TMEM43: variants seen among roughly 807,000 people sequenced by gnomAD.
The protein encoded by TMEM43 is transmembrane protein 43.
TMEM43 carries 45 observed loss-of-function variants against 49.6 expected under a neutral mutation model. The observed-to-expected ratio is 0.91, with a 90% confidence interval of 0.71 to 1.16. TMEM43 has a LOEUF of 1.16. Among genes scored for constraint, TMEM43 ranks in the 50% most tolerant of loss-of-function variants. The pLI, the probability that TMEM43 is intolerant of heterozygous loss-of-function variation, is 0.00. For missense variants in TMEM43, 532 were observed against 516.6 expected, an observed-to-expected ratio of 1.03 and a Z score of -0.29; for synonymous variants, 199 against 207.8, an observed-to-expected ratio of 0.96 and a Z score of 0.36.
intron 10 of TMEM43, among the ~76,000 whole-genome samples, chr3:14,136,325 G>A (rs1227902893): frequency 6.6e-6 from 1 of 152,184 alleles, no homozygotes; most frequent in Non-Finnish European, 1.5e-5. Flanking sequence ...TGGGTTTTTG[G>A]ATTGTGGATG....
At chr3:14,141,071 G>A (rs1333811863) in intron 11 of TMEM43, among the ~76,000 whole-genome samples, 1 of 152,212 alleles carries the variant, frequency 6.6e-6, no homozygotes, top group African/African-American at 2.4e-5. Context: ...TGAGATTCTT[G>A]AGGAGAGGCC....
chr3:14,139,953 G>A (rs1695225979), intron 11 of TMEM43, among the ~76,000 whole-genome samples: 1 of 152,130 alleles, frequency 6.6e-6, no homozygotes, highest in Non-Finnish European at 1.5e-5. Context: ...CAGGAGGATG[G>A]GGTTCCTCGG....
rs917618583 is a variant in TMEM43, at chr3:14,132,618, G to A, written c.442+23G>A. The A allele has an allele frequency of 3.7e-6, 6 of 1,613,702 alleles. No homozygotes were observed. In the East Asian group the frequency reaches 6.7e-5, roughly 18 times the overall value. On this transcript the variant is annotated intron_variant, in intron 5 of 11. Coordinates refer to ENST00000306077, the MANE Select transcript of TMEM43 (RefSeq NM_024334.3). ...ACAGTGAGTGCTGGGCCCCTTACGT[G>A]GTCTCTGCCCATGGTGGGGGCCCAC...
chr3:14,130,696 C>A, intron 2 of TMEM43, 126 bp from the exon 3 acceptor site: 7 of 1,278,334 alleles, frequency 5.5e-6, no homozygotes, highest in Non-Finnish European at 6.4e-6. Context: ...AGTTTTCCAA[C>A]TGTACGGTGG....
chr3:14,131,780 A>G lies in TMEM43; in HGVS notation c.392+106A>G, dbSNP rs1020667928. The G allele has an allele frequency of 2.8e-5, 23 of 826,138 alleles. No individual in the cohort carries two copies. In the African/African-American group the frequency reaches 3.9e-4, roughly 14 times the overall value. The allele number at this position is 826,138 out of a possible 1,614,324, so 51.2% of individuals were successfully genotyped here. A position where few individuals can be genotyped will look rare whatever the true frequency, so the allele number is the denominator to read the frequency against. ...ATTTTGATACCTTTGAAACTCAAGT[A>G]TAACATCTTCCTATCAGAAAAGTGT... On this transcript the variant is annotated intron_variant, in intron 4 of 11. Coordinates refer to ENST00000306077, the MANE Select transcript of TMEM43 (RefSeq NM_024334.3).
chr3:14,136,080 C>T lies in TMEM43; in HGVS notation c.882+172C>T, dbSNP rs1346100971. The T allele has an allele frequency of 5.6e-6, 4 of 718,702 alleles. No homozygotes were observed. In the African/African-American group the frequency reaches 7.0e-5, roughly 13 times the overall value. 44.5% of individuals were successfully genotyped at this position (718,702 alleles called of 1,614,324 possible). On this transcript the variant is annotated intron_variant, in intron 10 of 11. Coordinates refer to ENST00000306077, the MANE Select transcript of TMEM43 (RefSeq NM_024334.3). ...TCAAAGTGTTTGACCAGGAGTGTTT[C>T]AGATTCCAGATTTTTTTGGATTTGC...
Position 14,130,803 on chromosome 3 carries a change from C to T in TMEM43, c.163-19C>T. 4.3e-6 allele frequency: 7 copies of T among 1,613,414 alleles called. No homozygotes were observed. Among genetic ancestry groups the T allele is most frequent in the Non-Finnish European group, 5.9e-6 (7 of 1,179,690 alleles). On this transcript the variant is annotated intron_variant, in intron 2 of 11. Transcript: ENST00000306077. The stretch of plus-strand genomic sequence containing the variant: ...GCCACCCCTGAGCTGTTGAAATCCC[C>T]ACTCCCCTTTGCTCCCAGGGCCGCG...
At position 14,129,436 on chromosome 3, in the gene TMEM43, G is replaced by A. The variant is rs748116470; in HGVS notation, c.37G>A (p.Glu13Lys). 6.2e-7 allele frequency: 1 copy of A among 1,613,498 alleles called. No individual in the cohort carries two copies. The highest frequency in any genetic ancestry group is 8.5e-7 in the Non-Finnish European group (1 of 1,179,932). ...ANYSSTSTRR[E>K]HVKVKTSSQP... ...GTATTCCAGTACCAGTACCCGGAGA[G>A]AACATGTCAAAGTTAAAACCAGCTC... The change falls in exon 2 of 12, where the codon GAA becomes AAA. Residue 13 changes from glutamate to lysine, a missense_variant. By Grantham distance (56) the Glu-to-Lys change is moderately conservative. Transcript: ENST00000306077.
chr3:14,128,598 C>G (rs1695048636), intron 1 of TMEM43, among the ~76,000 whole-genome samples: 1 of 152,200 alleles, frequency 6.6e-6, no homozygotes, highest in African/African-American at 2.4e-5. Flanking sequence ...CCTCACTGCC[C>G]TAAGACTGTC....
intron 6 of TMEM43, among the ~76,000 whole-genome samples, chr3:14,133,169 C>T (rs559204680): frequency 1.3e-5 from 2 of 152,330 alleles, no homozygotes; most frequent in African/African-American, 2.4e-5. Flanking sequence ...CTGCACTAAG[C>T]GTCTAAGGGG....
chr3:14,134,606 C>T (rs765904040), intron 7 of TMEM43, among the ~76,000 whole-genome samples, 164 bp from the exon 8 acceptor site: 3 of 152,264 alleles, frequency 2.0e-5, no homozygotes, highest in South Asian at 2.1e-4. Flanking sequence ...ATGGTCTAAC[C>T]CAGGGGAAGC....
Position 14,135,152 on chromosome 3 carries a change from C to A in TMEM43, c.706-6C>A, listed in dbSNP as rs1404287765. The A allele has an allele frequency of 6.2e-7, 1 of 1,611,676 alleles. No individual in the cohort carries two copies. The highest frequency in any genetic ancestry group is 1.7e-5 in the Admixed American group (1 of 60,024). ...CTCACTCTCCCTGCTTCTCTTCCAC[C>A]CCCAGGTGGGAGACTTGCGTGTCTC... On this transcript the variant is annotated splice_region_variant and splice_polypyrimidine_tract_variant and intron_variant, in intron 8 of 11. Transcript: ENST00000306077.
At chr3:14,130,998 C>A in intron 3 of TMEM43, 42 bp downstream of exon 3, 1 of 1,589,358 alleles carries the variant, frequency 6.3e-7, no homozygotes, top group East Asian at 2.3e-5. Flanking sequence ...TGGCTCGGGG[C>A]TCATCCTGGA....
In TMEM43 at chr3:14,131,548, T is replaced by C. The variant is rs757412272; in HGVS notation, c.298-32T>C. Reference sequence around the variant, plus strand: ...CTGGGCTGACGTGAATGTTATCCTTTATTTTTTTGGTTTCTTTGATTCTGT... The same window carrying C: ...CTGGGCTGACGTGAATGTTATCCTTCATTTTTTTGGTTTCTTTGATTCTGT... On this transcript the variant is annotated intron_variant, in intron 3 of 11. Coordinates refer to ENST00000306077, the MANE Select transcript of TMEM43 (RefSeq NM_024334.3). The C allele has an allele frequency of 1.2e-5, 19 of 1,593,472 alleles. No homozygotes were observed. The South Asian group carries it at 2.0e-4, about 17-fold the overall frequency.
At chr3:14,126,479 TTG>T (rs1445473035) in intron 1 of TMEM43, among the ~76,000 whole-genome samples, 1 of 152,188 alleles carries the variant, frequency 6.6e-6, no homozygotes, top group Admixed American at 6.5e-5. Context: ...AGGGCAGGCT[TTG>T]GAGTTAGGGA....
At chr3:14,139,137 A>C in intron 10 of TMEM43, 43 bp from the exon 11 acceptor site, 2 of 1,445,338 alleles carry the variant, frequency 1.4e-6, no homozygotes, top group Non-Finnish European at 1.9e-6. Flanking sequence ...TGGGTACGCC[A>C]CTGGCCCTCA....
At chr3:14,129,264 G>A in intron 1 of TMEM43, 148 bp from the exon 2 acceptor site, 1 of 604,282 alleles carries the variant, frequency 1.7e-6, no homozygotes, top group Non-Finnish European at 2.6e-6. Context: ...CTGCCAAACT[G>A]TACATTGAAT....
chr3:14,138,087 CTG>C (rs1695193286), intron 10 of TMEM43: 1 of 152,178 alleles, frequency 6.6e-6, no homozygotes, highest in Non-Finnish European at 1.5e-5. Context: ...GTTACGGACT[CTG>C]AGAGAGGGCC....
At chr3:14,140,756 A>G (rs1695236327) in intron 11 of TMEM43, among the ~76,000 whole-genome samples, 1 of 152,256 alleles carries the variant, frequency 6.6e-6, no homozygotes. Context: ...TAACACAGGC[A>G]ACGTTCAGAA....
Sources: gnomAD v4.1 joint callset for allele counts (sites outside exome capture counted in the v4.1 genomes callset) on GRCh38, gnomAD v4.1.1 for gene constraint, MANE v1.5 for transcripts, NCBI Gene and HGNC (gene_info 2026-07-23, HGNC 2026-07-21) for gene names.